The following SGCD variants were observed in gnomAD, a reference collection of about 807,000 sequenced individuals.
SGCD encodes delta-sarcoglycan.
A neutral mutation model predicts 36.6 loss-of-function variants in SGCD; 18 were observed. The ratio of observed to expected loss-of-function variants is 0.49; its 90% confidence interval spans 0.34 to 0.73. SGCD has a LOEUF of 0.73. Ranked by LOEUF, SGCD falls within the 30% of genes least tolerant of loss-of-function variation. SGCD has a pLI of 0.01. For missense variants in SGCD, 387 were observed against 346.7 expected (o/e 1.12, Z -0.92); for synonymous variants, 133 against 130.6 (o/e 1.02, Z -0.12).
At chr5:156,754,407 AATAAGTT>A (rs1298693820) in intron 7 of SGCD, among the ~76,000 whole-genome samples, 7 of 152,262 alleles carry the variant, frequency 4.6e-5, no homozygotes, top group African/African-American at 1.7e-4. Context: ...AGACCGTTTA[AATAAGTT>A]ATAAGAAATA....
chr5:156,374,747 C>T lies in SGCD; in HGVS notation c.192+30070C>T, dbSNP rs547824541. Among the ~76,000 whole-genome samples, 31 of 150,808 alleles carry T rather than the reference C, an allele frequency of 2.1e-4. No homozygotes were observed. The East Asian group carries it at 3.3e-3, about 16-fold the overall frequency. ...TGCGATCTTGGCTCACTGCAAGCTC[C>T]GCCTCCCAGGTTCACGCCATTCTCC... On this transcript the variant is annotated intron_variant, in intron 3 of 8. Coordinates refer to ENST00000337851, the MANE Select transcript of SGCD (RefSeq NM_000337.6).
intron 7 of SGCD, among the ~76,000 whole-genome samples, chr5:156,753,641 C>T (rs977780743): frequency 6.6e-6 from 1 of 152,150 alleles, no homozygotes; most frequent in Non-Finnish European, 1.5e-5. Context: ...AGGAAACTTA[C>T]AATCATGGTG....
At chr5:156,671,864 C>G (rs1753309359) in intron 7 of SGCD, among the ~76,000 whole-genome samples, 1 of 152,080 alleles carries the variant, frequency 6.6e-6, no homozygotes, top group Non-Finnish European at 1.5e-5. Flanking sequence ...TGGCAGAAGA[C>G]AAGAGGAGCC....
At chr5:156,112,489 C>T (rs1214671766) in intron 1 of SGCD, among the ~76,000 whole-genome samples, 1 of 152,066 alleles carries the variant, frequency 6.6e-6, no homozygotes, top group Non-Finnish European at 1.5e-5. Context: ...TGGGAAGGCT[C>T]AGGATTAGCA....
intron 4 of SGCD, among the ~76,000 whole-genome samples, chr5:156,585,997 A>G (rs116575635): frequency 0.016 from 2,456 of 152,134 alleles, 28 homozygotes; most frequent in Non-Finnish European, 0.026. Flanking sequence ...TTTTGTCACA[A>G]TTAATGAACC....
chr5:156,565,221 G>A (rs1162146476), intron 4 of SGCD, among the ~76,000 whole-genome samples: 1 of 152,040 alleles, frequency 6.6e-6, no homozygotes, highest in African/African-American at 2.4e-5. Context: ...GCTTATTTGG[G>A]TTGTATTTAG....
chr5:156,062,626 T>A (rs1435532679), intron 1 of SGCD, among the ~76,000 whole-genome samples: 1 of 37,980 alleles, frequency 2.6e-5, no homozygotes, highest in Non-Finnish European at 4.4e-5. Context: ...ATTGCCATTC[T>A]AACTGGTGTG....
chr5:156,733,146 T>A (rs1428153655), intron 7 of SGCD, among the ~76,000 whole-genome samples: 2 of 152,120 alleles, frequency 1.3e-5, no homozygotes, highest in African/African-American at 4.8e-5. Context: ...TTTTTGGTGT[T>A]GGATTGTTAA....
rs74499854 is a variant in SGCD, at chr5:156,627,565, A to G, written c.503-19899A>G. ...TTGTATTTTGCTGTACAGGTTGAAA[A>G]GCTCACTCACCTCTTATTTAGTCTT... is the stretch of plus-strand genomic sequence containing the variant. On this transcript the variant is annotated intron_variant, in intron 6 of 8. Transcript: ENST00000337851. 8.8e-3 allele frequency among the ~76,000 whole-genome samples: 1,343 copies of G among 152,238 alleles called. 14 individuals are homozygous for G. Among genetic ancestry groups the G allele is most frequent in the African/African-American group, 0.031 (1,274 of 41,518 alleles).
At chr5:155,806,615 G>T in the SGCD span, among the ~76,000 whole-genome samples, 1 of 152,152 alleles carries the variant, frequency 6.6e-6, no homozygotes, top group African/African-American at 2.4e-5. Flanking sequence ...ATTTGTTATA[G>T]ATTATCATGA....
intron 1 of SGCD, among the ~76,000 whole-genome samples, chr5:156,097,521 A>G (rs1761410516): frequency 6.6e-6 from 1 of 152,046 alleles, no homozygotes; most frequent in African/African-American, 2.4e-5. Flanking sequence ...CCATTTATAA[A>G]GTCTTTCATT....
intron 1 of SGCD, among the ~76,000 whole-genome samples, chr5:156,096,270 A>C (rs1007522588): frequency 1.3e-5 from 2 of 152,210 alleles, no homozygotes; most frequent in Admixed American, 6.5e-5. Context: ...ATGGGCCACC[A>C]AACATTGTAG....
At chr5:156,616,298 T>C (rs910532273) in intron 6 of SGCD, among the ~76,000 whole-genome samples, 2 of 152,196 alleles carry the variant, frequency 1.3e-5, no homozygotes, top group African/African-American at 4.8e-5. Context: ...ATCAGGATGA[T>C]ATAGTGTGCT....
intron 3 of SGCD, among the ~76,000 whole-genome samples, chr5:156,276,172 A>G (rs1581212471): frequency 6.6e-6 from 1 of 152,166 alleles, no homozygotes; most frequent in East Asian, 1.9e-4. Flanking sequence ...TGCTTGGTGC[A>G]GAACACTAGG....
At chr5:156,116,765 A>G (rs559119580) in intron 1 of SGCD, among the ~76,000 whole-genome samples, 1 of 152,132 alleles carries the variant, frequency 6.6e-6, no homozygotes, top group Non-Finnish European at 1.5e-5. Context: ...TCCTAACAAT[A>G]TTGTCTCATT....
intron 1 of SGCD, among the ~76,000 whole-genome samples, chr5:155,881,656 C>T (rs564571655): frequency 3.3e-5 from 5 of 152,282 alleles, no homozygotes; most frequent in African/African-American, 4.8e-5. Context: ...CTTCCTTTCA[C>T]GAAAGATTTC....
At chr5:156,700,843 T>C (rs1283073009) in intron 7 of SGCD, among the ~76,000 whole-genome samples, 3 of 149,848 alleles carry the variant, frequency 2.0e-5, no homozygotes, top group African/African-American at 7.4e-5. Context: ...CTCAAGAGGC[T>C]GAGGCAGAAA....
chr5:156,491,626 CAT>C (rs1443643197), intron 3 of SGCD, among the ~76,000 whole-genome samples: 1 of 151,976 alleles, frequency 6.6e-6, no homozygotes, highest in Non-Finnish European at 1.5e-5. Flanking sequence ...AAAACATAAA[CAT>C]AAATAAAGAT....
At chr5:156,199,223 AGCTATCTT>A (rs1247544250) in intron 3 of SGCD, among the ~76,000 whole-genome samples, 1 of 152,124 alleles carries the variant, frequency 6.6e-6, no homozygotes, top group Non-Finnish European at 1.5e-5. Context: ...GTTCAAATAA[AGCTATCTT>A]GCTTTTCCTC....
Sources: gnomAD v4.1 joint callset for allele counts (sites outside exome capture counted in the v4.1 genomes callset) on GRCh38, gnomAD v4.1.1 for gene constraint, MANE v1.5 for transcripts, NCBI Gene and HGNC (gene_info 2026-07-23, HGNC 2026-07-21) for gene names.